Variants in PAQR8 observed in about 807,000 individuals in gnomAD.
PAQR8 encodes the protein progestin and adipoQ receptor family member 8, also known as membrane progestin receptor beta.
Under a neutral mutation model 25.2 loss-of-function variants are expected in PAQR8, and 17 were observed. That is an observed-to-expected ratio of 0.67 (90% CI 0.46 to 1.01). The LOEUF (loss-of-function observed/expected upper bound fraction) is 1.01, where lower values mean the gene tolerates loss of function less well. PAQR8 is among the 50% of genes least tolerant of loss of function. PAQR8 has a pLI of 0.00. For missense variants in PAQR8, 392 were observed against 448.4 expected, an observed-to-expected ratio of 0.87 and a Z score of 1.14; for synonymous variants, 204 against 190.6, an observed-to-expected ratio of 1.07 and a Z score of -0.58.
chr6:52,388,295 G>A (rs1581794163), intron 1 of PAQR8, among the ~76,000 whole-genome samples: 1 of 151,952 alleles, frequency 6.6e-6, no homozygotes, highest in East Asian at 1.9e-4. Flanking sequence ...AGAATGGCTT[G>A]AGCCTGGGAG....
intron 1 of PAQR8, among the ~76,000 whole-genome samples, chr6:52,374,832 G>A (rs1254122853): frequency 6.6e-6 from 1 of 151,746 alleles, no homozygotes; most frequent in African/African-American, 2.4e-5. Flanking sequence ...CTAGAAGATG[G>A]TAGTTGTCAG....
chr6:52,364,092 T>TTG (rs1298825694), intron 1 of PAQR8, among the ~76,000 whole-genome samples: 3 of 144,582 alleles, frequency 2.1e-5, no homozygotes, highest in Non-Finnish European at 1.5e-5. Context: ...TGTTTTTTTT[T>TTG]TTTTTTTTTT....
intron 1 of PAQR8, among the ~76,000 whole-genome samples, chr6:52,379,121 A>C (rs542866401): frequency 1.3e-5 from 2 of 150,154 alleles, no homozygotes; most frequent in Non-Finnish European, 3.0e-5. Context: ...AAAAAAAAGG[A>C]AATTCTGGCA....
chr6:52,382,956 A>T (rs985417933), intron 1 of PAQR8, among the ~76,000 whole-genome samples: 1 of 152,150 alleles, frequency 6.6e-6, no homozygotes, highest in Non-Finnish European at 1.5e-5. Flanking sequence ...TAATTTTCTA[A>T]AAGTTATTTT....
chr6:52,371,163 A>G (rs1411602969), intron 1 of PAQR8, among the ~76,000 whole-genome samples: 1 of 152,146 alleles, frequency 6.6e-6, no homozygotes, highest in Non-Finnish European at 1.5e-5. Flanking sequence ...ATAAGGGGAA[A>G]GAGAGTGCCA....
intron 1 of PAQR8, among the ~76,000 whole-genome samples, chr6:52,398,197 CTTT>C (rs869087625): frequency 3.7e-5 from 5 of 133,712 alleles, no homozygotes; most frequent in Admixed American, 3.4e-4. Context: ...TTTTTCTTTT[CTTT>C]TTTCTTTTTT....
chr6:52,406,102 T>G lies in PAQR8; in HGVS notation c.*1824T>G, dbSNP rs141666092. On this transcript the variant is annotated 3_prime_UTR_variant, in exon 2 of 2. Transcript: ENST00000442253. ...TGTTACCCAAGTGTCTTATACAAGC[T>G]TCTGGTGTCTAGGACAAATTTATGG... 1 of 173,220 alleles carries G rather than the reference T, an allele frequency of 5.8e-6. No individual in the cohort carries two copies. The highest frequency in any genetic ancestry group is 1.4e-5 in the Non-Finnish European group (1 of 72,422). The allele number at this position is 173,220 out of a possible 1,614,324, so 10.7% of individuals were successfully genotyped here.
intron 1 of PAQR8, among the ~76,000 whole-genome samples, chr6:52,385,061 C>G (rs185545230): frequency 6.6e-6 from 1 of 152,142 alleles, no homozygotes. Flanking sequence ...GGCTGTGTCC[C>G]CACCCAATCT....
rs1258814529 is a variant in PAQR8, at chr6:52,404,093, C to A, written c.880C>A (p.Leu294Ile). ...CCATGCATTTCTGTCCATCTGTACG[C>A]TCTCCCAGCTGGAGGCCATCCTCCT... is the stretch of plus-strand genomic sequence containing the variant. The part of the protein sequence containing the change: ...IFHAFLSICT[L>I]SQLEAILLDY... Residue 294 changes from leucine to isoleucine, a missense_variant, in exon 2 of 2, where the codon CTC becomes ATC. Leu to Ile is a conservative substitution (Grantham distance 5). Transcript: ENST00000442253. The A allele has an allele frequency of 6.2e-7, 1 of 1,614,262 alleles. No homozygotes were observed. The highest frequency in any genetic ancestry group is 1.1e-5 in the South Asian group (1 of 91,086).
At chr6:52,397,997 G>A (rs1359724149) in intron 1 of PAQR8, among the ~76,000 whole-genome samples, 2 of 152,136 alleles carry the variant, frequency 1.3e-5, no homozygotes, top group African/African-American at 2.4e-5. Flanking sequence ...AGGGAGGGGG[G>A]CAGACCCCAC....
At chr6:52,385,167 T>G (rs1763616561) in intron 1 of PAQR8, among the ~76,000 whole-genome samples, 1 of 152,180 alleles carries the variant, frequency 6.6e-6, no homozygotes, top group Non-Finnish European at 1.5e-5. Context: ...CATACTGTTC[T>G]CGTGGTAGTG....
At chr6:52,385,600 T>C (rs760909134) in intron 1 of PAQR8, among the ~76,000 whole-genome samples, 14 of 152,180 alleles carry the variant, frequency 9.2e-5, no homozygotes, top group Non-Finnish European at 1.6e-4. Flanking sequence ...AGGAAAACTA[T>C]TGGCCATGCA....
chr6:52,366,095 G>A (rs193175118), intron 1 of PAQR8, among the ~76,000 whole-genome samples: 6 of 152,118 alleles, frequency 3.9e-5, no homozygotes, highest in Middle Eastern at 3.4e-3. Flanking sequence ...GGGAAGAATA[G>A]CCTGGCACTG....
At chr6:52,395,094 C>G (rs1463491634) in intron 1 of PAQR8, among the ~76,000 whole-genome samples, 1 of 151,966 alleles carries the variant, frequency 6.6e-6, no homozygotes, top group African/African-American at 2.4e-5. Context: ...TGGTAAAACT[C>G]TGTCTCTACT....
rs1438189854 is a variant in PAQR8 at position 52,405,466 on chromosome 6, T to A, written c.*1188T>A. ...GAAGGCTCCTTTGGGTGAGAACATG[T>A]GAACCAGGCACCCTGGTTTGTTTGG... On this transcript the variant is annotated 3_prime_UTR_variant, in exon 2 of 2. Coordinates refer to ENST00000442253, the MANE Select transcript of PAQR8 (RefSeq NM_133367.5). The A allele has an allele frequency of 6.0e-6, 1 of 167,162 alleles. No individual in the cohort carries two copies. The highest frequency in any genetic ancestry group is 1.5e-5 in the Non-Finnish European group (1 of 68,170). The allele number at this position is 167,162 out of a possible 1,614,324, so 10.4% of individuals were successfully genotyped here.
At chr6:52,381,350 G>A (rs192664755) in intron 1 of PAQR8, among the ~76,000 whole-genome samples, 307 of 152,368 alleles carry the variant, frequency 2.0e-3, no homozygotes, top group Middle Eastern at 6.8e-3. Context: ...GCTCGGGCCT[G>A]TAGGCCCTAT....
At chr6:52,376,690 G>T (rs554837243) in intron 1 of PAQR8, among the ~76,000 whole-genome samples, 1 of 152,126 alleles carries the variant, frequency 6.6e-6, no homozygotes, top group African/African-American at 2.4e-5. Flanking sequence ...CTAGTGATGC[G>T]TATGTAAAAA....
intron 1 of PAQR8, among the ~76,000 whole-genome samples, chr6:52,388,616 A>G (rs1035405582): frequency 6.6e-6 from 1 of 152,214 alleles, no homozygotes; most frequent in Non-Finnish European, 1.5e-5. Context: ...ACAAGAAGAC[A>G]GTCATGTTTG....
intron 1 of PAQR8, among the ~76,000 whole-genome samples, chr6:52,373,916 A>AG (rs1763451692): frequency 6.6e-6 from 1 of 152,118 alleles, no homozygotes; most frequent in African/African-American, 2.4e-5. Context: ...CAGTGTTGGA[A>AG]GTGGGGCATG....
Sources: gnomAD v4.1 joint callset for allele counts (sites outside exome capture counted in the v4.1 genomes callset) on GRCh38, gnomAD v4.1.1 for gene constraint, MANE v1.5 for transcripts, NCBI Gene and HGNC (gene_info 2026-07-23, HGNC 2026-07-21) for gene names.